The following SEMA3E variants were observed in gnomAD, a reference collection of about 807,000 sequenced individuals.
The protein encoded by SEMA3E is semaphorin 3E.
Under a neutral mutation model 93.6 loss-of-function variants are expected in SEMA3E, and 49 were observed. The observed-to-expected ratio is 0.52, with a 90% confidence interval of 0.42 to 0.66. SEMA3E has a LOEUF of 0.66. Among genes scored for constraint, SEMA3E ranks in the 30% least tolerant of loss-of-function variants. SEMA3E has a pLI of 0.00. For missense variants in SEMA3E, 906 were observed against 964.8 expected, an observed-to-expected ratio of 0.94 and a Z score of 0.81; for synonymous variants, 363 against 330.7, an observed-to-expected ratio of 1.10 and a Z score of -1.06.
At chr7:83,477,147 T>C (rs1290695449) in intron 2 of SEMA3E, among the ~76,000 whole-genome samples, 2 of 152,302 alleles carry the variant, frequency 1.3e-5, no homozygotes, top group South Asian at 2.1e-4. Context: ...GAAATAATTT[T>C]TTAATTGTCT....
chr7:83,427,505 T>C (rs1428730267), intron 4 of SEMA3E, among the ~76,000 whole-genome samples: 1 of 152,086 alleles, frequency 6.6e-6, no homozygotes, highest in East Asian at 1.9e-4. Context: ...AGGAAGAAAA[T>C]TTACCATAGA....
chr7:83,644,589 C>T (rs1004275293), intron 1 of SEMA3E, among the ~76,000 whole-genome samples: 3 of 151,792 alleles, frequency 2.0e-5, no homozygotes, highest in Admixed American at 6.6e-5. Flanking sequence ...GGCAAATTAC[C>T]ATTACTACCC....
intron 1 of SEMA3E, among the ~76,000 whole-genome samples, chr7:83,490,645 C>T (rs1364113221): frequency 1.3e-5 from 2 of 151,902 alleles, no homozygotes; most frequent in African/African-American, 4.8e-5. Context: ...CAGATAAATG[C>T]CACTCAGAAA....
intron 1 of SEMA3E, among the ~76,000 whole-genome samples, chr7:83,561,052 CT>C (rs1792020688): frequency 1.3e-5 from 2 of 151,864 alleles, no homozygotes; most frequent in African/African-American, 2.4e-5. Context: ...TGTTAGTGCC[CT>C]TTTTTTGCAT....
At chr7:83,407,045 G>C in intron 7 of SEMA3E, 52 bp downstream of exon 7, 3 of 1,603,332 alleles carry the variant, frequency 1.9e-6, no homozygotes, top group African/African-American at 2.7e-5. Context: ...CTTAATAAAG[G>C]CCTGACCATA....
intron 4 of SEMA3E, among the ~76,000 whole-genome samples, chr7:83,423,638 G>A (rs905377388): frequency 1.3e-5 from 2 of 151,136 alleles, no homozygotes; most frequent in Non-Finnish European, 2.9e-5. Flanking sequence ...CGAGTAGCTG[G>A]GACTACAGAC....
At chr7:83,398,927 G>A (rs1345666215) in intron 11 of SEMA3E, among the ~76,000 whole-genome samples, 5 of 151,970 alleles carry the variant, frequency 3.3e-5, no homozygotes, top group Non-Finnish European at 7.4e-5. Flanking sequence ...CTGGGCAACA[G>A]AGCAGGACCC....
At chr7:83,568,143 T>C (rs1792202325) in intron 1 of SEMA3E, among the ~76,000 whole-genome samples, 1 of 152,048 alleles carries the variant, frequency 6.6e-6, no homozygotes, top group African/African-American at 2.4e-5. Flanking sequence ...AATAGATAAA[T>C]TCCTGGATAC....
intron 1 of SEMA3E, among the ~76,000 whole-genome samples, chr7:83,643,830 T>A (rs1794045154): frequency 6.6e-6 from 1 of 152,008 alleles, no homozygotes; most frequent in East Asian, 1.9e-4. Context: ...TCTGGGCACA[T>A]AGGCTAGTGT....
intron 1 of SEMA3E, among the ~76,000 whole-genome samples, chr7:83,572,065 A>T (rs549943097): frequency 1.6e-4 from 25 of 152,218 alleles, no homozygotes; most frequent in Non-Finnish European, 3.4e-4. Flanking sequence ...CTCTCAAAGA[A>T]GTTAGAGACA....
At chr7:83,394,981 A>C (rs1253305834) in intron 12 of SEMA3E, among the ~76,000 whole-genome samples, 1 of 152,204 alleles carries the variant, frequency 6.6e-6, no homozygotes, top group South Asian at 2.1e-4. Context: ...GTGCAAGTGG[A>C]AAACCACAAG....
intron 9 of SEMA3E, among the ~76,000 whole-genome samples, chr7:83,403,256 A>C (rs2722977): frequency 0.92 from 139,265 of 151,910 alleles, 65,086 homozygotes; most frequent in East Asian, 1. Context: ...ACTTAAAGAA[A>C]AATTTAAAGT....
At chr7:83,635,685 G>T (rs1002718247) in intron 1 of SEMA3E, among the ~76,000 whole-genome samples, 1 of 151,722 alleles carries the variant, frequency 6.6e-6, no homozygotes, top group Non-Finnish European at 1.5e-5. Flanking sequence ...TTAGTAAAAT[G>T]AAATTTTCAT....
chr7:83,474,545 G>A (rs573811427), intron 2 of SEMA3E, among the ~76,000 whole-genome samples: 96 of 152,156 alleles, frequency 6.3e-4, no homozygotes, highest in Non-Finnish European at 1.2e-3. Flanking sequence ...TGTTTTTGAT[G>A]TTGCAACACA....
intron 9 of SEMA3E, 21 bp downstream of exon 9, chr7:83,405,429 T>C: frequency 6.4e-7 from 1 of 1,555,774 alleles, no homozygotes; most frequent in South Asian, 1.1e-5. Context: ...ATTGTTTTTA[T>C]TGACTGTATA....
At chr7:83,534,651 C>T (rs1791376831) in intron 1 of SEMA3E, among the ~76,000 whole-genome samples, 1 of 152,116 alleles carries the variant, frequency 6.6e-6, no homozygotes, top group African/African-American at 2.4e-5. Flanking sequence ...GCAGGTCTGT[C>T]ACTTGTTTCT....
intron 1 of SEMA3E, among the ~76,000 whole-genome samples, chr7:83,625,792 A>C (rs1285116401): frequency 1.3e-5 from 2 of 152,000 alleles, no homozygotes; most frequent in Non-Finnish European, 2.9e-5. Flanking sequence ...CCGATTTTCA[A>C]AGGGAATGCT....
chr7:83,587,646 A>G (rs1792659677), intron 1 of SEMA3E, among the ~76,000 whole-genome samples: 1 of 152,126 alleles, frequency 6.6e-6, no homozygotes, highest in Admixed American at 6.6e-5. Context: ...TTGTATATAT[A>G]TAAAAAGTTG....
At chr7:83,570,539 C>T (rs372536251) in intron 1 of SEMA3E, among the ~76,000 whole-genome samples, 3 of 93,836 alleles carry the variant, frequency 3.2e-5, no homozygotes, top group African/African-American at 2.0e-4. Context: ...GGCGACAGAG[C>T]GAGACTCCGT....
Sources: allele counts gnomAD v4.1 joint callset (sites outside exome capture counted in the v4.1 genomes callset), GRCh38; gene constraint gnomAD v4.1.1; transcripts MANE v1.5; gene names NCBI Gene and HGNC (gene_info 2026-07-23, HGNC 2026-07-21).